Variants in RNF185 observed in about 807,000 individuals in gnomAD.
RNF185 encodes the protein ring finger protein 185, also known as E3 ubiquitin-protein ligase RNF185.
In RNF185, 13 loss-of-function variants were observed where a neutral mutation model predicts 24.9. The ratio of observed to expected loss-of-function variants is 0.52; its 90% CI spans 0.34 to 0.83. The LOEUF (loss-of-function observed/expected upper bound fraction) is 0.83. Ranked by LOEUF, RNF185 falls within the 40% of genes least tolerant of loss-of-function variation. The probability of loss-of-function intolerance (pLI) is 0.01; values close to 1 mark genes in which losing one functional copy is unlikely to be tolerated. For synonymous variants in RNF185, 79 were observed against 90.3 expected (o/e 0.88, Z 0.71); for missense variants, 184 against 244.7 (o/e 0.75, Z 1.65).
intron 1 of RNF185, among the ~76,000 whole-genome samples, chr22:31,181,956 A>G (rs1277534209): frequency 6.6e-6 from 1 of 152,042 alleles, no homozygotes; most frequent in African/African-American, 2.4e-5. Flanking sequence ...ATACATATGT[A>G]ACAAACCTGC....
chr22:31,185,505 C>A (rs1252218260), intron 1 of RNF185, among the ~76,000 whole-genome samples: 1 of 152,166 alleles, frequency 6.6e-6, no homozygotes, highest in Admixed American at 6.6e-5. Flanking sequence ...TGGAGAGGCA[C>A]AGTCTAAGAG....
At chr22:31,200,598 C>T (rs1230115714) in intron 5 of RNF185, among the ~76,000 whole-genome samples, 1 of 152,174 alleles carries the variant, frequency 6.6e-6, no homozygotes, top group Non-Finnish European at 1.5e-5. Flanking sequence ...CAGTATTGTT[C>T]CTGCTGAATC....
chr22:31,171,619 G>T (rs2094420360), intron 1 of RNF185, among the ~76,000 whole-genome samples: 1 of 152,070 alleles, frequency 6.6e-6, no homozygotes, highest in African/African-American at 2.4e-5. Context: ...TTTCAAAATG[G>T]TATCATTTTG....
chr22:31,189,082 C>T (rs1029917374), intron 2 of RNF185, among the ~76,000 whole-genome samples: 7 of 148,058 alleles, frequency 4.7e-5, no homozygotes, highest in South Asian at 2.1e-4. Context: ...GCTGAGATCG[C>T]GCCACTGCAC....
At chr22:31,183,250 TGTCTG>T (rs2048057722) in intron 1 of RNF185, among the ~76,000 whole-genome samples, 1 of 152,182 alleles carries the variant, frequency 6.6e-6, no homozygotes, top group Non-Finnish European at 1.5e-5. Context: ...GCTTGATCAG[TGTCTG>T]AGTTTTAACG....
At chr22:31,173,397 A>G (rs902331727) in intron 1 of RNF185, among the ~76,000 whole-genome samples, 9 of 136,698 alleles carry the variant, frequency 6.6e-5, no homozygotes, top group African/African-American at 2.3e-4. Context: ...AGATCTGTCA[A>G]CTCATTCACA....
intron 1 of RNF185, among the ~76,000 whole-genome samples, chr22:31,164,864 G>C (rs1160776291): frequency 1.3e-5 from 2 of 151,820 alleles, no homozygotes; most frequent in South Asian, 2.1e-4. Flanking sequence ...GGGATTACAG[G>C]TGTGCCACCA....
At chr22:31,195,433 G>A (rs2048196142) in intron 3 of RNF185, 36 bp from the exon 4 acceptor site, 2 of 1,465,070 alleles carry the variant, frequency 1.4e-6, no homozygotes, top group African/African-American at 1.4e-5. Flanking sequence ...GGTGGGTCTT[G>A]GGCCATCCAC....
chr22:31,171,014 A>G (rs543581174), intron 1 of RNF185, among the ~76,000 whole-genome samples: 5 of 152,108 alleles, frequency 3.3e-5, no homozygotes, highest in Middle Eastern at 3.4e-3. Context: ...GGCAAAGCCT[A>G]AGGAAGTTTG....
intron 1 of RNF185, among the ~76,000 whole-genome samples, chr22:31,171,150 G>GATTTATTTATTTATTT (rs1344018155): frequency 5.6e-5 from 4 of 71,400 alleles, no homozygotes; most frequent in Admixed American, 1.4e-4. Context: ...GACCTTCTCT[G>GATTTATTTATTTATTT]ATTTACTTAT....
intron 5 of RNF185, among the ~76,000 whole-genome samples, chr22:31,199,724 T>C (rs770056675): frequency 1.3e-5 from 2 of 152,228 alleles, no homozygotes; most frequent in Non-Finnish European, 2.9e-5. Flanking sequence ...GATTCAACCA[T>C]GAACTGAGTA....
intron 3 of RNF185, among the ~76,000 whole-genome samples, chr22:31,194,835 A>C (rs936181982): frequency 6.6e-6 from 1 of 152,232 alleles, no homozygotes; most frequent in Non-Finnish European, 1.5e-5. Flanking sequence ...TTACACCAGC[A>C]GCCTAAATTG....
Position 31,201,622 on chromosome 22 carries a change from C to T in RNF185, c.481+7C>T. ...GATGGGCGGCCTCCTCCAGGTAAGACCCTATTTCCTTGAGAAATTAGGAAG... is the reference window on the plus strand; with the variant it reads ...GATGGGCGGCCTCCTCCAGGTAAGATCCTATTTCCTTGAGAAATTAGGAAG... On this transcript the variant is annotated splice_region_variant and intron_variant, in intron 6 of 6. Transcript: ENST00000326132. The T allele has an allele frequency of 6.3e-7, 1 of 1,579,354 alleles. No homozygotes were observed. The highest frequency in any genetic ancestry group is 8.7e-7 in the Non-Finnish European group (1 of 1,149,254).
chr22:31,184,360 C>A (rs5997900), intron 1 of RNF185, among the ~76,000 whole-genome samples: 58,844 of 151,234 alleles, frequency 0.39, 13,066 homozygotes, highest in Middle Eastern at 0.57. Flanking sequence ...AGAGGATGGG[C>A]GGCCAGGGAG....
At chr22:31,199,549 C>T (rs1187254198) in intron 5 of RNF185, among the ~76,000 whole-genome samples, 2 of 152,172 alleles carry the variant, frequency 1.3e-5, no homozygotes, top group African/African-American at 2.4e-5. Flanking sequence ...TACTCTGGCC[C>T]AGGAACATAA....
chr22:31,179,619 G>A (rs1209634244), intron 1 of RNF185, among the ~76,000 whole-genome samples: 1 of 152,224 alleles, frequency 6.6e-6, no homozygotes, highest in East Asian at 1.9e-4. Flanking sequence ...TACAAGGAGA[G>A]TGATATGGCC....
chr22:31,191,226 C>T (rs1356869711), intron 2 of RNF185, among the ~76,000 whole-genome samples: 1 of 152,204 alleles, frequency 6.6e-6, no homozygotes, highest in Non-Finnish European at 1.5e-5. Context: ...CACTTCTCCC[C>T]TAGAGTCTTT....
chr22:31,195,684 C>T (rs2048199394), intron 4 of RNF185, 103 bp downstream of exon 4: 5 of 730,412 alleles, frequency 6.8e-6, no homozygotes, highest in East Asian at 5.5e-5. Flanking sequence ...ACTAGATGAT[C>T]TCTTGGTTTC....
Position 31,187,054 on chromosome 22 carries a change from C to T in RNF185, c.-41C>T. On this transcript the variant is annotated 5_prime_UTR_variant, in exon 2 of 7. Transcript: ENST00000326132. ...GAGTTCTCTGCCTTTTAGGATTTCC[C>T]TGGGGAAAGTCTTCACTCAGAGCTT... The T allele has an allele frequency of 1.9e-6, 3 of 1,574,010 alleles. No homozygotes were observed. Among genetic ancestry groups the T allele is most frequent in the Non-Finnish European group, 2.6e-6 (3 of 1,163,372 alleles).
Sources: gnomAD v4.1 joint callset for allele counts (sites outside exome capture counted in the v4.1 genomes callset) on GRCh38, gnomAD v4.1.1 for gene constraint, MANE v1.5 for transcripts, NCBI Gene and HGNC (gene_info 2026-07-23, HGNC 2026-07-21) for gene names.